DENND5A: variants seen among roughly 807,000 people sequenced by gnomAD.
The protein encoded by DENND5A is DENN domain containing 5A.
A neutral mutation model predicts 140.3 loss-of-function variants in DENND5A; 64 were observed. The ratio of observed to expected loss-of-function variants is 0.46; its 90% CI spans 0.37 to 0.56. DENND5A has a LOEUF of 0.56. Ranked by LOEUF, DENND5A falls within the 20% of genes least tolerant of loss-of-function variation. The probability of loss-of-function intolerance (pLI) is 0.00; values close to 1 mark genes in which losing one functional copy is unlikely to be tolerated. For missense variants in DENND5A, 1,292 were observed against 1,593.8 expected (o/e 0.81, Z 3.22); for synonymous variants, 605 against 607.7 (o/e 1.00, Z 0.07).
At chr11:9,205,624 G>T (rs954340018) in intron 3 of DENND5A, among the ~76,000 whole-genome samples, 12 of 152,174 alleles carry the variant, frequency 7.9e-5, no homozygotes, top group Non-Finnish European at 4.4e-5. Flanking sequence ...CAGGTGCAGT[G>T]GCTCACGCCT....
intron 4 of DENND5A, among the ~76,000 whole-genome samples, chr11:9,195,039 T>C (rs1391278039): frequency 3.6e-5 from 5 of 140,548 alleles, no homozygotes; most frequent in Admixed American, 7.3e-5. Context: ...TTTTTTTTAA[T>C]GACTAATAAA....
chr11:9,215,435 C>A (rs1381634832), intron 1 of DENND5A, among the ~76,000 whole-genome samples: 1 of 152,146 alleles, frequency 6.6e-6, no homozygotes, highest in Non-Finnish European at 1.5e-5. Flanking sequence ...CCCTGCAGAG[C>A]ACACATCTGT....
intron 1 of DENND5A, among the ~76,000 whole-genome samples, chr11:9,260,422 T>C (rs1852146828): frequency 6.6e-6 from 1 of 152,172 alleles, no homozygotes; most frequent in African/African-American, 2.4e-5. Flanking sequence ...CACCAGGACA[T>C]TCGCCCATCA....
chr11:9,260,789 C>T (rs1460677493), intron 1 of DENND5A, among the ~76,000 whole-genome samples: 12 of 152,198 alleles, frequency 7.9e-5, no homozygotes, highest in Non-Finnish European at 1.0e-4. Flanking sequence ...CCAATTACCT[C>T]AGTCTATATT....
At chr11:9,201,625 G>A (rs1329447727) in intron 4 of DENND5A, among the ~76,000 whole-genome samples, 1 of 152,046 alleles carries the variant, frequency 6.6e-6, no homozygotes, top group Non-Finnish European at 1.5e-5. Flanking sequence ...AGCCATGAAG[G>A]CACCACTTAA....
intron 12 of DENND5A, among the ~76,000 whole-genome samples, chr11:9,159,325 T>C (rs886345687): frequency 2.0e-5 from 3 of 150,880 alleles, no homozygotes; most frequent in Non-Finnish European, 4.4e-5. Context: ...TTTTTTCTTT[T>C]TTTTTTTTTT....
At chr11:9,230,099 C>A (rs939868173) in intron 1 of DENND5A, among the ~76,000 whole-genome samples, 1 of 151,024 alleles carries the variant, frequency 6.6e-6, no homozygotes, top group Non-Finnish European at 1.5e-5. Flanking sequence ...TTAGTAGAGA[C>A]GGGGTTTCAC....
chr11:9,254,216 C>G (rs543359822), intron 1 of DENND5A, among the ~76,000 whole-genome samples: 9 of 148,124 alleles, frequency 6.1e-5, no homozygotes, highest in African/African-American at 2.2e-4. Context: ...GTCCCAAGTA[C>G]TCAAGAGGCT....
chr11:9,165,957 T>A lies in DENND5A; in HGVS notation c.2162A>T (p.Gln721Leu). The change falls in exon 11 of 23, where the codon CAG becomes CTG. Residue 721 changes from glutamine (Q) to leucine (L), a missense_variant. Physicochemically the swap from Gln to Leu is moderately radical, Grantham distance 113. This residue lies in a region of DENND5A where 199 missense variants were observed against 189.1 expected (regional missense o/e 1.05). Transcript: ENST00000328194. The stretch of plus-strand genomic sequence containing the variant: ...AGTGCTGCCCATAGTCCTGGCTTCC[T>A]GGATGTACTTCTATATCAAACAGAA... ...LDNDQREKYIQEARTMGSTIR... is the reference protein window; with the variant it reads ...LDNDQREKYILEARTMGSTIR... The A allele has an allele frequency of 6.2e-7, 1 of 1,614,182 alleles. No individual in the cohort carries two copies. Among genetic ancestry groups the A allele is most frequent in the Non-Finnish European group, 8.5e-7 (1 of 1,179,992 alleles).
intron 13 of DENND5A, among the ~76,000 whole-genome samples, chr11:9,151,761 T>G (rs1175250950): frequency 6.6e-6 from 1 of 152,224 alleles, no homozygotes; most frequent in Non-Finnish European, 1.5e-5. Context: ...TGGCTCTTGT[T>G]TGGCCTCTTC....
chr11:9,238,359 G>GTA (rs34584422), intron 1 of DENND5A, among the ~76,000 whole-genome samples: 88,535 of 150,046 alleles, frequency 0.59, 26,310 homozygotes, highest in South Asian at 0.7. Flanking sequence ...GTGTGTGTGT[G>GTA]TATATATATA....
At chr11:9,208,953 T>C (rs1849780924) in intron 1 of DENND5A, among the ~76,000 whole-genome samples, 1 of 152,222 alleles carries the variant, frequency 6.6e-6, no homozygotes, top group South Asian at 2.1e-4. Flanking sequence ...CTGCACTTAC[T>C]GTACAAAGTA....
chr11:9,141,782 G>A (rs1007747996), intron 22 of DENND5A, among the ~76,000 whole-genome samples, 158 bp downstream of exon 22: 3 of 152,120 alleles, frequency 2.0e-5, no homozygotes, highest in Admixed American at 1.3e-4. Context: ...GACCATACAC[G>A]ATACACAGAG....
intron 1 of DENND5A, among the ~76,000 whole-genome samples, chr11:9,257,851 G>A (rs998870850): frequency 1.3e-5 from 2 of 150,364 alleles, no homozygotes; most frequent in African/African-American, 4.9e-5. Flanking sequence ...AGAGTGCAGT[G>A]ACGCCATCTT....
chr11:9,226,754 T>G (rs1850546158), intron 1 of DENND5A, among the ~76,000 whole-genome samples: 1 of 152,086 alleles, frequency 6.6e-6, no homozygotes, highest in Non-Finnish European at 1.5e-5. Flanking sequence ...TTCCTTAAGG[T>G]GAAAATTTCC....
chr11:9,161,045 T>C (rs1041942811), intron 11 of DENND5A, among the ~76,000 whole-genome samples, 180 bp from the exon 12 acceptor site: 2 of 152,140 alleles, frequency 1.3e-5, no homozygotes, highest in African/African-American at 4.8e-5. Flanking sequence ...GAGTGCATGC[T>C]TTAAAAATTT....
chr11:9,189,289 G>C (rs1849027101), intron 5 of DENND5A, among the ~76,000 whole-genome samples: 1 of 152,204 alleles, frequency 6.6e-6, no homozygotes, highest in Non-Finnish European at 1.5e-5. Context: ...GGAAATACCT[G>C]GATGCCCAGA....
chr11:9,186,213 A>G (rs771164946), intron 5 of DENND5A, among the ~76,000 whole-genome samples: 1 of 152,192 alleles, frequency 6.6e-6, no homozygotes, highest in African/African-American at 2.4e-5. Context: ...CCTCCACTGG[A>G]TAACAACTTT....
chr11:9,153,111 C>A (rs2136127302), intron 12 of DENND5A, among the ~76,000 whole-genome samples: 1 of 151,916 alleles, frequency 6.6e-6, no homozygotes, highest in East Asian at 1.9e-4. Context: ...CACTTGAGGT[C>A]AGAAGTTCGG....
Sources: allele counts gnomAD v4.1 joint callset (sites outside exome capture counted in the v4.1 genomes callset), GRCh38; gene constraint gnomAD v4.1.1; regional missense constraint gnomAD v4.1.1; transcripts MANE v1.5; gene names NCBI Gene and HGNC (gene_info 2026-07-23, HGNC 2026-07-21).